The following KANK1 variants were observed in gnomAD, a reference collection of about 807,000 sequenced individuals.
The protein encoded by KANK1 is KN motif and ankyrin repeat domain-containing protein 1.
Under a neutral mutation model 106.2 loss-of-function variants are expected in KANK1, and 109 were observed. The observed-to-expected ratio is 1.03, with a 90% confidence interval of 0.88 to 1.20. The LOEUF is 1.20. Ranked by LOEUF, KANK1 falls within the 50% of genes most tolerant of loss-of-function variation. KANK1 has a pLI of 0.00. For synonymous variants in KANK1, 873 were observed against 652.2 expected, an observed-to-expected ratio of 1.34 and a Z score of -5.16; for missense variants, 2,399 against 1,710.7, an observed-to-expected ratio of 1.40 and a Z score of -7.10.
chr9:670,794 A>G lies in KANK1; in HGVS notation c.-83-6096A>G, dbSNP rs530977079. Reference sequence around the variant, plus strand: ...GCATGGATAGGTCTCCTGCCAAAGAAGCCAAGATGGTAGGCAAGTTGTGTG... The same window carrying G: ...GCATGGATAGGTCTCCTGCCAAAGAGGCCAAGATGGTAGGCAAGTTGTGTG... On this transcript the variant is annotated intron_variant, in intron 1 of 11. Coordinates refer to ENST00000382297, the MANE Select transcript of KANK1 (RefSeq NM_015158.5). Among the ~76,000 whole-genome samples the G allele has an allele frequency of 2.6e-5, 4 of 152,220 alleles. No homozygotes were observed. In the South Asian group the frequency reaches 8.3e-4, roughly 32 times the overall value.
intron 1 of KANK1, among the ~76,000 whole-genome samples, chr9:637,641 C>A (rs1325807071): frequency 6.6e-6 from 1 of 152,040 alleles, no homozygotes; most frequent in Non-Finnish European, 1.5e-5. Context: ...GAACCACTGT[C>A]CTATGGGATC....
intron 3 of KANK1, among the ~76,000 whole-genome samples, chr9:476,144 CA>C (rs559563234): frequency 0.014 from 1,482 of 108,654 alleles, 7 homozygotes; most frequent in African/African-American, 0.029. Context: ...AACTCCATCT[CA>C]AAAAAAAAAA....
At chr9:658,277 T>C (rs920475456) in intron 1 of KANK1, among the ~76,000 whole-genome samples, 1 of 152,146 alleles carries the variant, frequency 6.6e-6, no homozygotes, top group African/African-American at 2.4e-5. Flanking sequence ...ACTCATCCGC[T>C]TAAACCCATC....
chr9:647,977 C>T (rs1840060067), intron 1 of KANK1, among the ~76,000 whole-genome samples: 1 of 148,728 alleles, frequency 6.7e-6, no homozygotes. Flanking sequence ...GATTAGAGAC[C>T]ACCATTTCTG....
chr9:486,781 C>G (rs1245782400), intron 3 of KANK1, among the ~76,000 whole-genome samples: 3 of 152,116 alleles, frequency 2.0e-5, no homozygotes, highest in Non-Finnish European at 2.9e-5. Flanking sequence ...TATTTTAAGA[C>G]TCTTCAATTA....
rs550205576 is a variant in KANK1 at position 651,206 on chromosome 9, G to A, written c.-83-25684G>A. 3.3e-5 allele frequency among the ~76,000 whole-genome samples: 5 copies of A among 152,150 alleles called. No homozygotes were observed. In the East Asian group the frequency reaches 5.8e-4, roughly 18 times the overall value. On this transcript the variant is annotated intron_variant, in intron 1 of 11. Coordinates refer to ENST00000382297, the MANE Select transcript of KANK1 (RefSeq NM_015158.5). The stretch of plus-strand genomic sequence containing the variant: ...ATCATACATATGTCCTTAGGAATGG[G>A]GTTTTATTTCTGTAAGAGCACCTCC...
At chr9:704,210 A>G (rs1823423548) in intron 2 of KANK1, among the ~76,000 whole-genome samples, 1 of 152,220 alleles carries the variant, frequency 6.6e-6, no homozygotes, top group Non-Finnish European at 1.5e-5. Flanking sequence ...AAAACAAACG[A>G]TAGCTAAAAC....
At chr9:744,826 A>T in intron 11 of KANK1, 1 of 1,426,830 alleles carries the variant, frequency 7.0e-7, no homozygotes, top group African/African-American at 1.4e-5. Context: ...ACAGCTTCCC[A>T]TAGAGGTTTT....
intron 1 of KANK1, among the ~76,000 whole-genome samples, chr9:524,683 A>T (rs1338735662): frequency 6.6e-6 from 1 of 151,326 alleles, no homozygotes; most frequent in Non-Finnish European, 1.5e-5. Flanking sequence ...ACACCCGGCT[A>T]ATTTTTGTAC....
intron 1 of KANK1, among the ~76,000 whole-genome samples, chr9:520,912 C>T (rs971329029): frequency 4.0e-5 from 6 of 151,722 alleles, no homozygotes; most frequent in Non-Finnish European, 7.3e-5. Context: ...TCCTATTGGT[C>T]AGATGATTTT....
At chr9:506,706 T>C (rs2058774528) in intron 1 of KANK1, among the ~76,000 whole-genome samples, 1 of 152,232 alleles carries the variant, frequency 6.6e-6, no homozygotes. Context: ...TTTCATTTCA[T>C]GAGTATCAGT....
At chr9:537,253 A>G (rs2060349328) in intron 1 of KANK1, among the ~76,000 whole-genome samples, 1 of 152,218 alleles carries the variant, frequency 6.6e-6, no homozygotes, top group South Asian at 2.1e-4. Context: ...CCTCTGTGAC[A>G]TTTGGTATGT....
Position 578,139 on chromosome 9 carries a change from G to A in KANK1, c.-84+73385G>A, listed in dbSNP as rs117901169. ...GGCTTATGGTTTAAAGGGCAGAACT[G>A]AGCCAAATGAGGACTCCTCAGAAAA... On this transcript the variant is annotated intron_variant, in intron 1 of 11. Transcript: ENST00000382297. Among the ~76,000 whole-genome samples, 326 of 152,280 alleles carry A rather than the reference G, an allele frequency of 2.1e-3. 2 individuals carry two copies. The highest frequency in any genetic ancestry group is 0.01 in the Middle Eastern group (3 of 294).
chr9:728,689 A>G (rs768027798), intron 3 of KANK1, among the ~76,000 whole-genome samples: 5 of 152,212 alleles, frequency 3.3e-5, no homozygotes, highest in South Asian at 4.1e-4. Context: ...TTTACCATCT[A>G]TGTAGATGAA....
chr9:728,070 C>A (rs6477172), intron 3 of KANK1, among the ~76,000 whole-genome samples: 2 of 152,076 alleles, frequency 1.3e-5, no homozygotes, highest in East Asian at 1.9e-4. Flanking sequence ...ACTCTTTATA[C>A]CAATAAGATA....
rs550205787 is a variant in KANK1, at chr9:509,169, C to T, written c.-84+4415C>T. Among the ~76,000 whole-genome samples, 4 of 152,264 alleles carry T rather than the reference C, an allele frequency of 2.6e-5. No homozygotes were observed. The South Asian group carries it at 8.3e-4, about 32-fold the overall frequency. On this transcript the variant is annotated intron_variant, in intron 1 of 11. Transcript: ENST00000382297. ...GATGAGTGCAGTGGCGCGATCTTGACTCACTGGAACCTCTGCCTCCTGAGT... is the reference window on the plus strand; with the variant it reads ...GATGAGTGCAGTGGCGCGATCTTGATTCACTGGAACCTCTGCCTCCTGAGT...
rs191321585 is a variant in KANK1 at position 567,588 on chromosome 9, A to G, written c.-84+62834A>G. 5.6e-4 allele frequency among the ~76,000 whole-genome samples: 85 copies of G among 152,342 alleles called. 3 individuals are homozygous for G. The highest frequency in any genetic ancestry group is 5.6e-3 in the Admixed American group (85 of 15,304). The stretch of plus-strand genomic sequence containing the variant: ...CTTCCCTCTTCTAAGTACCTTCTGC[A>G]TTGATTGGAGCCAGCAAAGAGAACT... On this transcript the variant is annotated intron_variant, in intron 1 of 11. Transcript: ENST00000382297.
chr9:548,213 A>C (rs555074276), intron 1 of KANK1, among the ~76,000 whole-genome samples: 2 of 152,232 alleles, frequency 1.3e-5, no homozygotes, highest in African/African-American at 4.8e-5. Context: ...CCTTAGTATC[A>C]GCAGTCATTC....
chr9:687,003 C>A, intron 2 of KANK1: 1 of 858,364 alleles, frequency 1.2e-6, no homozygotes, highest in Non-Finnish European at 1.4e-6. Flanking sequence ...TGAGATGAGA[C>A]TTTGCAGATA....
Sources: allele counts gnomAD v4.1 joint callset (sites outside exome capture counted in the v4.1 genomes callset), GRCh38; gene constraint gnomAD v4.1.1; transcripts MANE v1.5; gene names NCBI Gene and HGNC (gene_info 2026-07-23, HGNC 2026-07-21).